The following HNF4A variants were observed in gnomAD, a reference collection of about 807,000 sequenced individuals.
HNF4A encodes hepatocyte nuclear factor 4-alpha.
A neutral mutation model predicts 52.4 loss-of-function variants in HNF4A; 15 were observed. The ratio of observed to expected loss-of-function variants is 0.29; its 90% CI spans 0.19 to 0.44. HNF4A has a LOEUF of 0.44. Ranked by LOEUF, HNF4A falls within the 20% of genes least tolerant of loss-of-function variation. The pLI is 1.00. For synonymous variants in HNF4A, 280 were observed against 264.4 expected, an observed-to-expected ratio of 1.06 and a Z score of -0.57; for missense variants, 479 against 647.2, an observed-to-expected ratio of 0.74 and a Z score of 2.82.
At chr20:44,367,123 G>A (rs952371034) in intron 1 of HNF4A, among the ~76,000 whole-genome samples, 1 of 152,078 alleles carries the variant, frequency 6.6e-6, no homozygotes, top group African/African-American at 2.4e-5. Context: ...ATCACCTGAG[G>A]TCAGGAGTTC....
intron 1 of HNF4A, among the ~76,000 whole-genome samples, chr20:44,404,986 TGTGTGTGCTTGTGTGTG>T (rs1430148370): frequency 0.027 from 86 of 3,204 alleles, no homozygotes; most frequent in African/African-American, 0.08. Flanking sequence ...GTGTAAGGTG[TGTGTGTGCTTGTGTGTG>T]GTGTGTGCGT....
chr20:44,424,552 C>A (rs561849938), intron 8 of HNF4A: 11 of 1,143,964 alleles, frequency 9.6e-6, no homozygotes, highest in South Asian at 1.5e-5. Flanking sequence ...TGTATGGATG[C>A]GTGGATATCT....
At chr20:44,404,856 T>TGTATGTAA (rs1234662520) in intron 1 of HNF4A, among the ~76,000 whole-genome samples, 4 of 4,688 alleles carry the variant, frequency 8.5e-4, no homozygotes, top group East Asian at 9.6e-3. Flanking sequence ...GACTGTGTGG[T>TGTATGTAA]GTGTGTGCGC....
chr20:44,357,597 C>T (rs937091208), intron 1 of HNF4A, among the ~76,000 whole-genome samples: 3 of 152,096 alleles, frequency 2.0e-5, no homozygotes, highest in African/African-American at 4.8e-5. Context: ...CGTCTCTGCA[C>T]CTTGTAGGAT....
Position 44,429,747 on chromosome 20 carries a change from G to C in HNF4A, c.*82G>C, listed in dbSNP as rs1203991342. 17 of 1,415,288 alleles carry C rather than the reference G, an allele frequency of 1.2e-5. No individual in the cohort carries two copies. The highest frequency in any genetic ancestry group is 1.6e-5 in the Non-Finnish European group (16 of 1,004,150). 87.7% of individuals were successfully genotyped at this position (1,415,288 alleles called of 1,614,324 possible). A position where few individuals can be genotyped will look rare whatever the true frequency, so the allele number is the denominator to read the frequency against. ...CTGGTGATCACGTGGTCACGGCAAA[G>C]GAAGACGTGATGCCAGGACCAGTCC... On this transcript the variant is annotated 3_prime_UTR_variant, in exon 10 of 10. Coordinates refer to ENST00000316099, the MANE Select transcript of HNF4A (RefSeq NM_000457.6).
At chr20:44,391,096 T>C (rs1402802883) in intron 1 of HNF4A, among the ~76,000 whole-genome samples, 1 of 152,160 alleles carries the variant, frequency 6.6e-6, no homozygotes, top group Non-Finnish European at 1.5e-5. Context: ...TTGCCACTTC[T>C]GCCTTGAACT....
In HNF4A at chr20:44,429,694, G is replaced by A; in HGVS notation, c.*29G>A. The A allele has an allele frequency of 6.2e-7, 1 of 1,612,902 alleles. No individual in the cohort carries two copies. Among genetic ancestry groups the A allele is most frequent in the South Asian group, 1.1e-5 (1 of 91,056 alleles). ...GCCGCTGGGGCTTGGGGGCTCCACT[G>A]GCTCCCCCCAGCCCCCTAAGAGAGC... On this transcript the variant is annotated 3_prime_UTR_variant, in exon 10 of 10. Transcript: ENST00000316099.
In HNF4A at chr20:44,376,556, G is replaced by GTTGT. The variant is rs891312435; in HGVS notation, c.49+20722_49+20725dup. On this transcript the variant is annotated intron_variant, in intron 1 of 9. Transcript: ENST00000316673. ...CTACATGACCATGTTTTCTTTGGAT[G>GTTGT]TTGTTTGTTTGTTTGTTTGTTTTAA... Among the ~76,000 whole-genome samples the GTTGT allele has an allele frequency of 3.6e-4, 54 of 152,088 alleles. 1 individual carries two copies. Among genetic ancestry groups the GTTGT allele is most frequent in the African/African-American group, 1.1e-3 (45 of 41,500 alleles).
chr20:44,416,003 C>T (rs1252804051), intron 5 of HNF4A, among the ~76,000 whole-genome samples: 4 of 152,144 alleles, frequency 2.6e-5, no homozygotes, highest in African/African-American at 7.2e-5. Context: ...CAACAAGATA[C>T]CCCCAACCTG....
At chr20:44,362,657 A>G (rs2062929845) in intron 1 of HNF4A, among the ~76,000 whole-genome samples, 1 of 152,102 alleles carries the variant, frequency 6.6e-6, no homozygotes, top group Admixed American at 6.6e-5. Flanking sequence ...CATTTTATAA[A>G]CAAAGAAATT....
At chr20:44,413,166 C>T (rs903627754) in intron 3 of HNF4A, among the ~76,000 whole-genome samples, 1 of 152,198 alleles carries the variant, frequency 6.6e-6, no homozygotes, top group African/African-American at 2.4e-5. Context: ...GGGAGGGAGA[C>T]AGCGCCTGGC....
chr20:44,421,767 A>G (rs191331922), intron 7 of HNF4A, among the ~76,000 whole-genome samples: 342 of 146,286 alleles, frequency 2.3e-3, no homozygotes, highest in African/African-American at 8.2e-3. Context: ...AAAAATACAT[A>G]TATGTGTATA....
Position 44,428,365 on chromosome 20 carries a change from A to G in HNF4A, c.1160A>G (p.His387Arg). The change falls in exon 9 of 10, where the codon CAC (histidine) becomes CGC (arginine). Residue 387 changes from histidine (H) to arginine (R), a missense_variant. His to Arg is a conservative substitution (Grantham distance 29). Around this residue, in one of 3 missense-constraint regions of HNF4A, gnomAD observed 389 missense variants for 525.1 expected, o/e 0.74. Coordinates refer to ENST00000316099, the MANE Select transcript of HNF4A (RefSeq NM_000457.6). ...CCCAGCGATGCACCCCATGCCCACCACCCCCTGCACCCTCACCTGATGCAG... is the reference window on the plus strand; with the variant it reads ...CCCAGCGATGCACCCCATGCCCACCGCCCCCTGCACCCTCACCTGATGCAG... 1 of 1,613,398 alleles carries G rather than the reference A, an allele frequency of 6.2e-7. No individual in the cohort carries two copies.
intron 3 of HNF4A, among the ~76,000 whole-genome samples, chr20:44,412,689 G>T (rs1232941034): frequency 6.6e-6 from 1 of 152,166 alleles, no homozygotes; most frequent in Non-Finnish European, 1.5e-5. Context: ...ATCTAATCCA[G>T]GAGAGACAGC....
Position 44,414,516 on chromosome 20 carries a change from C to G in HNF4A, c.502C>G (p.Pro168Ala). ...CCTGTATCTCTCGAAGATCACCTCC[C>G]CCGTCTCCGGGATCAACGGCGACAT... Residue 168 changes from proline (P) to alanine (A), a missense_variant, in exon 5 of 10, where the codon CCC becomes GCC. Physicochemically the swap from Pro to Ala is conservative, Grantham distance 27 (BLOSUM62 -1). Transcript: ENST00000316099. 6.2e-7 allele frequency: 1 copy of G among 1,614,246 alleles called. No homozygotes were observed. The highest frequency in any genetic ancestry group is 8.5e-7 in the Non-Finnish European group (1 of 1,180,052).
At chr20:44,369,656 T>TTTTA (rs2063011177) in intron 1 of HNF4A, among the ~76,000 whole-genome samples, 1 of 151,824 alleles carries the variant, frequency 6.6e-6, no homozygotes, top group South Asian at 2.1e-4. Flanking sequence ...CCTGAGCTCT[T>TTTTA]TTTCTTTCTT....
Position 44,368,073 on chromosome 20 carries a change from A to AAT in HNF4A, c.49+12233_49+12234dup, listed in dbSNP as rs1164435417. Among the ~76,000 whole-genome samples, 449 of 111,704 alleles carry AAT rather than the reference A, an allele frequency of 4.0e-3. 4 individuals are homozygous for AAT. The highest frequency in any genetic ancestry group is 0.013 in the African/African-American group (368 of 28,682). 73.3% of individuals were successfully genotyped at this position (111,704 alleles called of 152,430 possible). ...ATGGGCTTTTTTTTTTTGAGACATA[A>AAT]ATATATATATATATGTGTGTGTGTG... is the stretch of plus-strand genomic sequence containing the variant. On this transcript the variant is annotated intron_variant, in intron 1 of 9. Transcript: ENST00000316673.
intron 7 of HNF4A, 34 bp from the exon 8 acceptor site, chr20:44,423,984 G>A: frequency 6.2e-7 from 1 of 1,608,012 alleles, no homozygotes. Context: ...GCTGGACCCT[G>A]CTGCCCTCCC....
chr20:44,408,779 T>C (rs2063539757), intron 3 of HNF4A, among the ~76,000 whole-genome samples: 2 of 152,084 alleles, frequency 1.3e-5, no homozygotes, highest in South Asian at 4.2e-4. Context: ...TTCCTGCTCC[T>C]CTAAACTCAA....
Sources: gnomAD v4.1 joint callset for allele counts (sites outside exome capture counted in the v4.1 genomes callset) on GRCh38, gnomAD v4.1.1 for gene constraint, gnomAD v4.1.1 regional missense constraint, MANE v1.5 for transcripts, NCBI Gene and HGNC (gene_info 2026-07-23, HGNC 2026-07-21) for gene names.